The following CTNNA3 variants were observed in gnomAD, a reference collection of about 807,000 sequenced individuals.
CTNNA3 encodes the protein catenin alpha 3.
CTNNA3 carries 76 observed loss-of-function variants against 95.7 expected under a neutral mutation model. The observed-to-expected ratio is 0.79, with a 90% CI of 0.66 to 0.96. CTNNA3 has a LOEUF of 0.96. Among genes scored for constraint, CTNNA3 ranks in the 40% least tolerant of loss-of-function variants. The pLI is 0.00. For synonymous variants in CTNNA3, 431 were observed against 374.4 expected (o/e 1.15, Z -1.74); for missense variants, 1,191 against 1,089.8 (o/e 1.09, Z -1.31).
chr10:65,945,072 T>G (rs2077495060), intron 17 of CTNNA3, among the ~76,000 whole-genome samples: 1 of 152,052 alleles, frequency 6.6e-6, no homozygotes, highest in Admixed American at 6.6e-5. Context: ...AGGCACAAAT[T>G]TACCTTGTTT....
chr10:66,573,660 A>G (rs1367449822), intron 10 of CTNNA3, among the ~76,000 whole-genome samples: 2 of 152,170 alleles, frequency 1.3e-5, no homozygotes, highest in African/African-American at 4.8e-5. Context: ...CAGAAATAAA[A>G]ATGCCCTTTC....
intron 9 of CTNNA3, among the ~76,000 whole-genome samples, chr10:66,633,476 C>T (rs561198666): frequency 1.3e-5 from 2 of 152,172 alleles, no homozygotes; most frequent in South Asian, 4.1e-4. Flanking sequence ...GTCAGGAGAT[C>T]AAGACCATCC....
intron 10 of CTNNA3, among the ~76,000 whole-genome samples, chr10:66,610,732 A>C (rs1015083571): frequency 1.3e-5 from 2 of 152,102 alleles, no homozygotes; most frequent in African/African-American, 4.8e-5. Flanking sequence ...TTCTCAAAAA[A>C]CTAAAAGTAG....
intron 10 of CTNNA3, among the ~76,000 whole-genome samples, chr10:66,583,938 C>CA (rs1843278022): frequency 6.6e-6 from 1 of 151,662 alleles, no homozygotes. Context: ...ATTGTTAACC[C>CA]AAAAATCATT....
intron 5 of CTNNA3, among the ~76,000 whole-genome samples, chr10:67,404,982 T>C (rs908118542): frequency 6.6e-6 from 1 of 151,996 alleles, no homozygotes; most frequent in African/African-American, 2.4e-5. Context: ...AGAGAAGAAA[T>C]AAGATCCTTT....
At chr10:66,408,296 T>G (rs1052010933) in intron 11 of CTNNA3, among the ~76,000 whole-genome samples, 3 of 152,214 alleles carry the variant, frequency 2.0e-5, no homozygotes, top group Non-Finnish European at 4.4e-5. Context: ...AAATCTCCAT[T>G]TTTTATACAA....
At chr10:66,677,029 A>C (rs1846883359) in intron 9 of CTNNA3, among the ~76,000 whole-genome samples, 1 of 152,114 alleles carries the variant, frequency 6.6e-6, no homozygotes, top group African/African-American at 2.4e-5. Flanking sequence ...AGTAGGAAGA[A>C]ATACATTAAT....
intron 13 of CTNNA3, among the ~76,000 whole-genome samples, chr10:66,277,094 G>A (rs1422954043): frequency 1.3e-5 from 2 of 152,042 alleles, no homozygotes; most frequent in African/African-American, 4.8e-5. Flanking sequence ...TCTACACACT[G>A]AGTCCAGTGG....
chr10:66,559,973 C>T (rs998048110), intron 10 of CTNNA3, among the ~76,000 whole-genome samples: 12 of 152,092 alleles, frequency 7.9e-5, no homozygotes, highest in East Asian at 1.9e-4. Flanking sequence ...CTTAATCTGA[C>T]GCTCAACACA....
intron 7 of CTNNA3, among the ~76,000 whole-genome samples, chr10:66,867,672 A>T (rs1844232457): frequency 6.6e-6 from 1 of 152,140 alleles, no homozygotes; most frequent in African/African-American, 2.4e-5. Context: ...TCTAAGTTCA[A>T]GCCTCACCAT....
At chr10:67,134,271 T>C (rs2132026670) in intron 7 of CTNNA3, among the ~76,000 whole-genome samples, 1 of 152,178 alleles carries the variant, frequency 6.6e-6, no homozygotes, top group African/African-American at 2.4e-5. Flanking sequence ...ACAGCTAAAC[T>C]TGAATGGAAC....
intron 11 of CTNNA3, among the ~76,000 whole-genome samples, chr10:66,470,424 T>G (rs1340551792): frequency 6.6e-6 from 1 of 151,862 alleles, no homozygotes; most frequent in African/African-American, 2.4e-5. Flanking sequence ...AGCATTAATT[T>G]ATAGCAATGT....
chr10:66,296,782 C>A (rs1420422743), intron 12 of CTNNA3, among the ~76,000 whole-genome samples: 2 of 152,074 alleles, frequency 1.3e-5, no homozygotes, highest in Non-Finnish European at 2.9e-5. Context: ...TTGTGTCATG[C>A]TTTACCCCCT....
intron 7 of CTNNA3, among the ~76,000 whole-genome samples, chr10:67,095,590 T>G (rs1369941861): frequency 1.3e-5 from 2 of 151,844 alleles, no homozygotes; most frequent in Non-Finnish European, 2.9e-5. Context: ...AATAAATGTA[T>G]CATGGTTTAT....
chr10:67,097,962 T>C lies in CTNNA3; in HGVS notation c.1047+82355A>G, dbSNP rs1252784748. On this transcript the variant is annotated intron_variant, in intron 7 of 17. Transcript: ENST00000433211. ...ATTCATGAAATAAAGAAGACATGAATTGTTTTAAGTCTACACTTTGTAATT... is the reference window on the plus strand; with the variant it reads ...ATTCATGAAATAAAGAAGACATGAACTGTTTTAAGTCTACACTTTGTAATT... 6.3e-6 allele frequency: 4 copies of C among 634,172 alleles called. No homozygotes were observed. The East Asian group carries it at 1.1e-4, about 17-fold the overall frequency. The allele number at this position is 634,172 out of a possible 1,614,324, so 39.3% of individuals were successfully genotyped here. A position where few individuals can be genotyped will look rare whatever the true frequency, so the allele number is the denominator to read the frequency against.
chr10:66,494,062 C>T (rs931707407), intron 11 of CTNNA3, among the ~76,000 whole-genome samples: 1 of 151,550 alleles, frequency 6.6e-6, no homozygotes, highest in Non-Finnish European at 1.5e-5. Context: ...CATGTGCCAC[C>T]ATGCCCAGCT....
intron 9 of CTNNA3, among the ~76,000 whole-genome samples, chr10:66,692,700 G>C (rs1208198983): frequency 1.3e-5 from 2 of 152,058 alleles, no homozygotes; most frequent in African/African-American, 4.8e-5. Flanking sequence ...AAATGTTAAG[G>C]GCAGCCAGAG....
rs796501353 is a variant in CTNNA3, at chr10:67,097,516, A to C, written c.1047+82801T>G. The C allele has an allele frequency of 3.6e-6, 5 of 1,371,246 alleles. No individual in the cohort carries two copies. The African/African-American group carries it at 4.3e-5, about 12-fold the overall frequency. The allele number at this position is 1,371,246 out of a possible 1,614,324, so 84.9% of individuals were successfully genotyped here. On this transcript the variant is annotated intron_variant, in intron 7 of 17. Coordinates refer to ENST00000433211, the MANE Select transcript of CTNNA3 (RefSeq NM_013266.4). ...TGGAGGTTAGTCAGGTCAGCACTTC[A>C]GTCTCTAAATCTTTCCCCTAAAGTT...
chr10:66,146,269 G>A (rs914759659), intron 13 of CTNNA3, among the ~76,000 whole-genome samples: 15 of 152,126 alleles, frequency 9.9e-5, no homozygotes, highest in African/African-American at 3.4e-4. Flanking sequence ...GTCAAACCAG[G>A]AGTAGCAACT....
Sources: gnomAD v4.1 joint callset for allele counts (sites outside exome capture counted in the v4.1 genomes callset) on GRCh38, gnomAD v4.1.1 for gene constraint, MANE v1.5 for transcripts, NCBI Gene and HGNC (gene_info 2026-07-23, HGNC 2026-07-21) for gene names.